ARFGEF1: variants seen among roughly 807,000 people sequenced by gnomAD.
The protein encoded by ARFGEF1 is ARF guanine nucleotide exchange factor 1.
ARFGEF1 carries 42 observed loss-of-function variants against 231.0 expected under a neutral mutation model. The ratio of observed to expected loss-of-function variants is 0.18; its 90% CI spans 0.14 to 0.24. ARFGEF1 has a LOEUF of 0.24. Ranked by LOEUF, ARFGEF1 falls within the 10% of genes least tolerant of loss-of-function variation. The pLI, the probability that ARFGEF1 is intolerant of heterozygous loss-of-function variation, is 1.00. For synonymous variants in ARFGEF1, 710 were observed against 732.3 expected (o/e 0.97, Z 0.49); for missense variants, 1,345 against 2,192.0 (o/e 0.61, Z 7.72).
intron 23 of ARFGEF1, 86 bp from the exon 24 acceptor site, chr8:67,228,350 AT>A: frequency 7.7e-7 from 1 of 1,305,504 alleles, no homozygotes; most frequent in Non-Finnish European, 1.1e-6. Context: ...GGTACTAGCT[AT>A]TTTTATGTTT....
At chr8:67,278,876 A>T (rs1322441106) in intron 7 of ARFGEF1, among the ~76,000 whole-genome samples, 2 of 152,240 alleles carry the variant, frequency 1.3e-5, no homozygotes, top group African/African-American at 4.8e-5. Context: ...TGTTACACTG[A>T]AAACAGACGC....
At chr8:67,225,972 C>A in intron 28 of ARFGEF1, 51 bp downstream of exon 28, 1 of 1,480,210 alleles carries the variant, frequency 6.8e-7, no homozygotes, top group Non-Finnish European at 9.0e-7. Context: ...CTTAAGATTT[C>A]AAATTGGAAA....
chr8:67,197,809 G>GA lies in ARFGEF1; in HGVS notation c.*1124dup. On this transcript the variant is annotated 3_prime_UTR_variant, in exon 39 of 39. Transcript: ENST00000262215. The stretch of plus-strand genomic sequence containing the variant: ...TGTACCATATACATTTTGTCCATCT[G>GA]AAAAAATTTTCTACATCCACTGTTA... 4.1e-6 allele frequency: 4 copies of GA among 985,796 alleles called. No homozygotes were observed. Among genetic ancestry groups the GA allele is most frequent in the Non-Finnish European group, 4.8e-6 (4 of 829,910 alleles). 61.1% of individuals were successfully genotyped at this position (985,796 alleles called of 1,614,324 possible).
At chr8:67,177,862 G>C in intron 5 of ARFGEF1, 2 of 716,250 alleles carry the variant, frequency 2.8e-6, no homozygotes, top group Non-Finnish European at 5.1e-6. Context: ...CAGTAAAGTG[G>C]ATAGCTTGAG....
At chr8:67,211,685 C>T (rs1040990410) in intron 33 of ARFGEF1, 70 bp from the exon 34 acceptor site, 11 of 978,006 alleles carry the variant, frequency 1.1e-5, no homozygotes, top group African/African-American at 1.7e-5. Flanking sequence ...TTTTCTAAAA[C>T]GCTATTTTAA....
chr8:67,253,001 C>A (rs1366660282), intron 18 of ARFGEF1, among the ~76,000 whole-genome samples: 3 of 152,188 alleles, frequency 2.0e-5, no homozygotes, highest in Non-Finnish European at 4.4e-5. Context: ...ACCTCCAAAT[C>A]CCTGCTGAGG....
chr8:67,193,974 G>A (rs931882432), downstream of ARFGEF1, among the ~76,000 whole-genome samples: 1 of 152,206 alleles, frequency 6.6e-6, no homozygotes, highest in Non-Finnish European at 1.5e-5. Context: ...CACTTATGCT[G>A]TATATTTGCA....
rs144936324 is a variant in ARFGEF1, at chr8:67,187,349, T to C, written c.561-11777A>G. ...TTATAATAAACAAGACAGTGTGGCATTGGTGAAAGAACAGACAAATAGACC... is the reference window on the plus strand; with the variant it reads ...TTATAATAAACAAGACAGTGTGGCACTGGTGAAAGAACAGACAAATAGACC... On this transcript the variant is annotated intron_variant, in intron 5 of 5. Transcript: ENST00000518789. Among the ~76,000 whole-genome samples the C allele has an allele frequency of 3.0e-3, 463 of 152,246 alleles. 6 individuals carry two copies. The highest frequency in any genetic ancestry group is 9.7e-3 in the African/African-American group (405 of 41,564).
chr8:67,310,340 C>G (rs1377643134), intron 1 of ARFGEF1, among the ~76,000 whole-genome samples: 1 of 152,334 alleles, frequency 6.6e-6, no homozygotes, highest in East Asian at 1.9e-4. Flanking sequence ...CGCGAGTGAT[C>G]CGCCAGCCTC....
chr8:67,217,088 C>T (rs1178734984), intron 32 of ARFGEF1, among the ~76,000 whole-genome samples: 2 of 151,628 alleles, frequency 1.3e-5, no homozygotes, highest in African/African-American at 2.4e-5. Context: ...GCGGATCACC[C>T]GAGGTTGGGA....
In ARFGEF1 at chr8:67,218,169, G is replaced by A. The variant is rs199607354; in HGVS notation, c.4339-31C>T. 1.2e-4 allele frequency: 137 copies of A among 1,187,446 alleles called. 1 individual carries two copies. The East Asian group carries it at 2.3e-3, about 20-fold the overall frequency. The allele number at this position is 1,187,446 out of a possible 1,614,324, so 73.6% of individuals were successfully genotyped here. On this transcript the variant is annotated intron_variant, in intron 30 of 38. Coordinates refer to ENST00000262215, the MANE Select transcript of ARFGEF1 (RefSeq NM_006421.5). The stretch of plus-strand genomic sequence containing the variant: ...GAAAAAAGTCATTAATGAACATCAC[G>A]CCATTAATCAACTACTATGATTAAA...
intron 1 of ARFGEF1, among the ~76,000 whole-genome samples, chr8:67,324,664 T>A (rs1160147601): frequency 6.6e-6 from 1 of 152,208 alleles, no homozygotes; most frequent in African/African-American, 2.4e-5. Flanking sequence ...TTACTGCAAA[T>A]CTGCCTTCCC....
rs1362642660 is a variant in ARFGEF1, at chr8:67,232,778, T to C, written c.3380+77A>G. ...GAAAAATGATTTTGGCAATAATATT[T>C]TTCTTTTTACCAACACCTAAATGCT... On this transcript the variant is annotated intron_variant, in intron 23 of 38. Coordinates refer to ENST00000262215, the MANE Select transcript of ARFGEF1 (RefSeq NM_006421.5). 5 of 1,105,236 alleles carry C rather than the reference T, an allele frequency of 4.5e-6. No homozygotes were observed. In the East Asian group the frequency reaches 1.3e-4, roughly 28 times the overall value. The allele number at this position is 1,105,236 out of a possible 1,614,324, so 68.5% of individuals were successfully genotyped here.
chr8:67,314,589 C>G (rs1807219586), intron 1 of ARFGEF1, among the ~76,000 whole-genome samples: 1 of 152,170 alleles, frequency 6.6e-6, no homozygotes, highest in South Asian at 2.1e-4. Flanking sequence ...CCCTTTCCCA[C>G]TTCTGCAGTT....
chr8:67,219,740 A>C (rs1177621090), intron 29 of ARFGEF1, among the ~76,000 whole-genome samples, 180 bp from the exon 30 acceptor site: 1 of 152,018 alleles, frequency 6.6e-6, no homozygotes, highest in East Asian at 1.9e-4. Flanking sequence ...TTTAGGATAC[A>C]TCATTCGGGA....
In ARFGEF1 at chr8:67,244,763, A is replaced by G. The variant is rs184415293; in HGVS notation, c.2851-4473T>C. Reference sequence around the variant, plus strand: ...TTTTAAAAGGGCAATTCTAAAAGTTATTGGTCTTCAAAGAGGCAGAGAAAG... The same window carrying G: ...TTTTAAAAGGGCAATTCTAAAAGTTGTTGGTCTTCAAAGAGGCAGAGAAAG... On this transcript the variant is annotated intron_variant, in intron 19 of 38. Coordinates refer to ENST00000262215, the MANE Select transcript of ARFGEF1 (RefSeq NM_006421.5). Among the ~76,000 whole-genome samples the G allele has an allele frequency of 3.0e-4, 45 of 150,526 alleles. 1 individual carries two copies. The highest frequency in any genetic ancestry group is 2.0e-4 in the Admixed American group (3 of 15,048).
chr8:67,272,429 G>T (rs1294768526), intron 9 of ARFGEF1, among the ~76,000 whole-genome samples: 1 of 151,884 alleles, frequency 6.6e-6, no homozygotes, highest in South Asian at 2.1e-4. Flanking sequence ...GCCTCCCAAA[G>T]TGCTGGGATT....
intron 1 of ARFGEF1, among the ~76,000 whole-genome samples, chr8:67,329,192 C>T (rs1406020236): frequency 1.3e-5 from 2 of 152,124 alleles, no homozygotes; most frequent in Non-Finnish European, 2.9e-5. Flanking sequence ...CACCACCGCA[C>T]TCCAGCCTGG....
At chr8:67,214,352 T>C (rs550779742) in intron 33 of ARFGEF1, among the ~76,000 whole-genome samples, 40 of 152,176 alleles carry the variant, frequency 2.6e-4, no homozygotes, top group Non-Finnish European at 4.9e-4. Flanking sequence ...TAAGTGATGA[T>C]ATGTAGTTGA....
Sources: gnomAD v4.1 joint callset for allele counts (sites outside exome capture counted in the v4.1 genomes callset) on GRCh38, gnomAD v4.1.1 for gene constraint, MANE v1.5 for transcripts, NCBI Gene and HGNC (gene_info 2026-07-23, HGNC 2026-07-21) for gene names.